Variants in PPFIA3 observed in about 807,000 individuals in gnomAD.
PPFIA3 encodes the protein liprin-alpha-3.
PPFIA3 carries 26 observed loss-of-function variants against 145.8 expected under a neutral mutation model. The observed-to-expected ratio is 0.18, with a 90% confidence interval of 0.13 to 0.25. The LOEUF is 0.25. PPFIA3 is among the 10% of genes least tolerant of loss of function. The pLI is 1.00. For missense variants in PPFIA3, 1,008 were observed against 1,587.8 expected, an observed-to-expected ratio of 0.63 and a Z score of 6.21; for synonymous variants, 645 against 661.4, an observed-to-expected ratio of 0.98 and a Z score of 0.38.
Position 49,139,090 on chromosome 19 carries a change from T to C in PPFIA3, c.2077-578T>C, listed in dbSNP as rs537979183. Among the ~76,000 whole-genome samples the C allele has an allele frequency of 6.6e-5, 10 of 152,106 alleles. No homozygotes were observed. In the South Asian group the frequency reaches 2.1e-3, roughly 32 times the overall value. On this transcript the variant is annotated intron_variant, in intron 16 of 29. Coordinates refer to ENST00000334186, the MANE Select transcript of PPFIA3 (RefSeq NM_003660.4). ...CTATTTTACTCCCTTAAATTCAGCT[T>C]TCCTGCTTCCAGAACCTGTAACTCA...
At position 49,146,182 on chromosome 19, in the gene PPFIA3, G is replaced by C. The variant is rs761117850; in HGVS notation, c.2825G>C (p.Ser942Thr). 6.2e-7 allele frequency: 1 copy of C among 1,614,154 alleles called. No individual in the cohort carries two copies. Among genetic ancestry groups the C allele is most frequent in the South Asian group, 1.1e-5 (1 of 91,080 alleles). Residue 942 changes from serine (S) to threonine (T), a missense_variant, in exon 23 of 30, where the codon AGC (serine) becomes ACC (threonine). Ser to Thr is a moderately conservative substitution (Grantham distance 58). Coordinates refer to ENST00000334186, the MANE Select transcript of PPFIA3 (RefSeq NM_003660.4). ...ACGGGTCAGGAGACCAAGGAGATCA[G>C]CTGGGAGCAGGTAGGGGGCGCGGGG... ...ATTKPETKEISWEQILAYGDM... is the reference protein window; with the variant it reads ...ATTKPETKEITWEQILAYGDM...
Position 49,135,897 on chromosome 19 carries a change from T to A in PPFIA3, c.1639T>A (p.Ser547Thr). Residue 547 changes from serine (S) to threonine (T), a missense_variant, in exon 14 of 30, where the codon TCA becomes ACA. Physicochemically the swap from Ser to Thr is moderately conservative, Grantham distance 58 (BLOSUM62 1). Coordinates refer to ENST00000334186, the MANE Select transcript of PPFIA3 (RefSeq NM_003660.4). The part of the protein sequence containing the change: ...SGRAGKRGRW[S>T]GVKEEPSKDW... ...TCGGGCAGGCAAGAGGGGCCGCTGG[T>A]CAGGGGTCAAGGAGGAGCCCTCCAA... 6.2e-7 allele frequency: 1 copy of A among 1,613,126 alleles called. No homozygotes were observed. The highest frequency in any genetic ancestry group is 1.1e-5 in the South Asian group (1 of 91,020).
Position 49,143,022 on chromosome 19 carries a change from A to G in PPFIA3, c.2745+18A>G, listed in dbSNP as rs969183841. 8 of 1,596,678 alleles carry G rather than the reference A, an allele frequency of 5.0e-6. No individual in the cohort carries two copies. In the Admixed American group the frequency reaches 1.3e-4, roughly 27 times the overall value. On this transcript the variant is annotated intron_variant, in intron 21 of 29. Transcript: ENST00000334186. ...CCCGCACTGTGAGTGTCCGGCGGCCAATTCCAGCCTTCGCTTCCTCAGAGC... is the reference window on the plus strand; with the variant it reads ...CCCGCACTGTGAGTGTCCGGCGGCCGATTCCAGCCTTCGCTTCCTCAGAGC...
chr19:49,148,579 A>T (rs1444759557), intron 24 of PPFIA3, 87 bp from the exon 25 acceptor site: 23 of 1,067,800 alleles, frequency 2.2e-5, no homozygotes, highest in Admixed American at 4.0e-5. Context: ...TTCCAAGAAG[A>T]GCGCAGCCAG....
rs1275571462 is a variant in PPFIA3 at position 49,148,975 on chromosome 19, G to GGTCC, written c.3110-17_3110-14dup. 6 of 1,611,620 alleles carry GGTCC rather than the reference G, an allele frequency of 3.7e-6. No individual in the cohort carries two copies. Among genetic ancestry groups the GGTCC allele is most frequent in the Non-Finnish European group, 5.1e-6 (6 of 1,178,616 alleles). On this transcript the variant is annotated splice_polypyrimidine_tract_variant and intron_variant, in intron 25 of 29. Transcript: ENST00000334186. ...AGGCCACGGGAGGGGCACGGCTGAG[G>GGTCC]GTCCCTTCCGTCCCCAGACGTGATG...
In PPFIA3 at chr19:49,149,193, A is replaced by C; in HGVS notation, c.3285+25A>C. On this transcript the variant is annotated intron_variant, in intron 26 of 29. Coordinates refer to ENST00000334186, the MANE Select transcript of PPFIA3 (RefSeq NM_003660.4). This position sits in a 1 kb window ranked among gnomAD's most constrained non-coding sequence, Gnocchi z 5.7. ...GGTGAGCTGCCGCTGGGCCCGGAGC[A>C]TGCTGGGCGTCCCCACCTCGCAGAC... The C allele has an allele frequency of 2.5e-6, 4 of 1,613,858 alleles. No homozygotes were observed. Among genetic ancestry groups the C allele is most frequent in the Middle Eastern group, 1.6e-4 (1 of 6,062 alleles).
chr19:49,128,308 A>T lies in PPFIA3; in HGVS notation c.241-59A>T. On this transcript the variant is annotated intron_variant, in intron 2 of 29. Transcript: ENST00000334186. The surrounding 1 kb of genome is among the most constrained non-coding windows in gnomAD (Gnocchi z 4.1). ...ACCTTCAAACTTCCAGTCCCAGTGAATGAAGGAGACAGGGAAAGGATTGAG... is the reference window on the plus strand; with the variant it reads ...ACCTTCAAACTTCCAGTCCCAGTGATTGAAGGAGACAGGGAAAGGATTGAG... 1 of 1,572,410 alleles carries T rather than the reference A, an allele frequency of 6.4e-7. No individual in the cohort carries two copies. The highest frequency in any genetic ancestry group is 8.8e-7 in the Non-Finnish European group (1 of 1,142,756).
chr19:49,140,639 CTTTTTTTT>C lies in PPFIA3; in HGVS notation c.2368+572_2368+579del, dbSNP rs4002348. Among the ~76,000 whole-genome samples the C allele has an allele frequency of 3.9e-3, 247 of 63,838 alleles. 1 individual carries two copies. The highest frequency in any genetic ancestry group is 0.017 in the African/African-American group (219 of 12,756). The allele number at this position is 63,838 out of a possible 152,430, so 41.9% of individuals were successfully genotyped here. On this transcript the variant is annotated intron_variant, in intron 18 of 29. Coordinates refer to ENST00000334186, the MANE Select transcript of PPFIA3 (RefSeq NM_003660.4). ...GTGCTGGGATTACAGACTCATTTAC[CTTTTTTTT>C]TTTTTTTTTTTTTTTTTTTTGTTTG...
rs753705398 is a variant in PPFIA3, at chr19:49,136,760, C to T, written c.1702C>T (p.Pro568Ser). ...ERSAPAGSIP[P>S]PFPGELDGSD... Reference sequence around the variant, plus strand: ...GTCTGCCCCTGCGGGCTCCATACCACCCCCATTCCCTGGGGAACTGGACGG... The same window carrying T: ...GTCTGCCCCTGCGGGCTCCATACCATCCCCATTCCCTGGGGAACTGGACGG... Residue 568 changes from proline (P) to serine (S), a missense_variant, in exon 15 of 30, where the codon CCC becomes TCC. By Grantham distance (74) the Pro-to-Ser change is moderately conservative. Transcript: ENST00000334186. 6.3e-7 allele frequency: 1 copy of T among 1,577,106 alleles called. No individual in the cohort carries two copies. The highest frequency in any genetic ancestry group is 8.6e-7 in the Non-Finnish European group (1 of 1,160,228).
intron 16 of PPFIA3, 67 bp downstream of exon 16, chr19:49,138,494 G>A: frequency 7.5e-7 from 1 of 1,339,306 alleles, no homozygotes; most frequent in East Asian, 2.5e-5. Context: ...GGGCTCCCCA[G>A]TGTACAGCAA....
Position 49,133,401 on chromosome 19 carries a change from CGTGGGGAAGGG to C in PPFIA3, c.1161+37_1161+47del. On this transcript the variant is annotated intron_variant, in intron 9 of 29. Transcript: ENST00000334186. This position sits in a 1 kb window ranked among gnomAD's most constrained non-coding sequence, Gnocchi z 7.2. The stretch of plus-strand genomic sequence containing the variant: ...GGGGAGGACTCGGGTCGGGGCCTTG[CGTGGGGAAGGG>C]GTGGGGCCTAGAGGAGGCGGGGCCG... 1 of 1,429,628 alleles carries C rather than the reference CGTGGGGAAGGG, an allele frequency of 7.0e-7. No individual in the cohort carries two copies. Among genetic ancestry groups the C allele is most frequent in the South Asian group, 1.3e-5 (1 of 76,976 alleles). 88.6% of individuals were successfully genotyped at this position (1,429,628 alleles called of 1,614,324 possible). A position where few individuals can be genotyped will look rare whatever the true frequency, so the allele number is the denominator to read the frequency against.
At chr19:49,147,931 GGATTGGTCCATTATCCTGAGCAGA>G in intron 23 of PPFIA3, 128 bp from the exon 24 acceptor site, 1 of 730,252 alleles carries the variant, frequency 1.4e-6, no homozygotes, top group Non-Finnish European at 2.2e-6. Flanking sequence ...AGACAACTCT[GGATTGGTCCATTATCCTGAGCAGA>G]GATTGGTCAT....
At chr19:49,137,046 C>G (rs2041147146) in intron 15 of PPFIA3, 135 bp downstream of exon 15, 2 of 819,554 alleles carry the variant, frequency 2.4e-6, no homozygotes, top group African/African-American at 3.4e-5. Context: ...GCCCAACACT[C>G]ACTCCGCTGT....
At chr19:49,124,239 T>G (rs2040970267) in intron 1 of PPFIA3, among the ~76,000 whole-genome samples, 1 of 152,028 alleles carries the variant, frequency 6.6e-6, no homozygotes, top group East Asian at 1.9e-4. Context: ...TGTATTTTTT[T>G]GTAGAGACAG....
rs2041317501 is a variant in PPFIA3 at position 49,149,423 on chromosome 19, GGCGGGGCCAGGA to G, written c.3354+100_3354+111del. 6.3e-7 allele frequency: 1 copy of G among 1,587,652 alleles called. No homozygotes were observed. ...CTGACTATTAATGGTCACGGTTGGA[GGCGGGGCCAGGA>G]GAGGGGCGGGGTTAAAGGAGAGGTG... On this transcript the variant is annotated intron_variant, in intron 27 of 29. Coordinates refer to ENST00000334186, the MANE Select transcript of PPFIA3 (RefSeq NM_003660.4). The surrounding 1 kb of genome is among the most constrained non-coding windows in gnomAD (Gnocchi z 5.7).
At chr19:49,132,291 A>T (rs944470615) in intron 7 of PPFIA3, among the ~76,000 whole-genome samples, 7 of 144,146 alleles carry the variant, frequency 4.9e-5, no homozygotes, top group African/African-American at 1.8e-4. Context: ...TGAGAGGTTG[A>T]GGCAGGAGAA....
intron 13 of PPFIA3, 80 bp from the exon 14 acceptor site, chr19:49,135,699 C>G (rs745124): frequency 0.58 from 830,025 of 1,429,256 alleles, 245,422 homozygotes; most frequent in African/African-American, 0.75. Context: ...ACCCCTGGCC[C>G]TAGGTCTGTC....
chr19:49,127,646 G>A (rs2122542040), intron 1 of PPFIA3, among the ~76,000 whole-genome samples: 1 of 152,026 alleles, frequency 6.6e-6, no homozygotes, highest in Non-Finnish European at 1.5e-5. Flanking sequence ...GGCAGCACCT[G>A]GTGGCCAATC....
Position 49,127,916 on chromosome 19 carries a change from C to A in PPFIA3, c.43C>A (p.Arg15=), listed in dbSNP as rs1171773629. The change falls in exon 2 of 30, where the codon CGG becomes AGG. Residue 15 remains arginine (R), a synonymous_variant. Coordinates refer to ENST00000334186, the MANE Select transcript of PPFIA3 (RefSeq NM_003660.4). ...GCCCACCATCAGCGAGGATGGCCGG[C>A]GGGGCTCGGCGCTGGGCCCGGACGA... ...VMPTISEDGR[R]GSALGPDEAG... 3.8e-6 allele frequency: 6 copies of A among 1,592,066 alleles called. No individual in the cohort carries two copies. The highest frequency in any genetic ancestry group is 1.3e-5 in the African/African-American group (1 of 74,156).
Sources: gnomAD v4.1 joint callset for allele counts (sites outside exome capture counted in the v4.1 genomes callset) on GRCh38, gnomAD v4.1.1 for gene constraint, Gnocchi (gnomAD v3.1) non-coding constraint, MANE v1.5 for transcripts, NCBI Gene and HGNC (gene_info 2026-07-23, HGNC 2026-07-21) for gene names.